RPS6KC1: variants seen among roughly 807,000 people sequenced by gnomAD.
RPS6KC1 encodes the protein ribosomal protein S6 kinase C1, also known as inactive ribosomal protein S6 kinase delta-1.
A neutral mutation model predicts 103.8 loss-of-function variants in RPS6KC1; 54 were observed. The ratio of observed to expected loss-of-function variants is 0.52; its 90% CI spans 0.42 to 0.65. The LOEUF is 0.65. Ranked by LOEUF, RPS6KC1 falls within the 30% of genes least tolerant of loss-of-function variation. The pLI is 0.00. For synonymous variants in RPS6KC1, 439 were observed against 438.7 expected (o/e 1.00, Z -0.01); for missense variants, 1,151 against 1,253.8 (o/e 0.92, Z 1.24).
At chr1:213,375,099 A>G in the RPS6KC1 span, among the ~76,000 whole-genome samples, 3 of 151,850 alleles carry the variant, frequency 2.0e-5, no homozygotes, top group African/African-American at 7.3e-5. Flanking sequence ...CTACGCATAT[A>G]TAAACACATA....
chr1:213,286,652 G>A, the RPS6KC1 span, among the ~76,000 whole-genome samples: 128 of 152,320 alleles, frequency 8.4e-4, no homozygotes, highest in Middle Eastern at 3.4e-3. Flanking sequence ...ATGAGAGGTA[G>A]AGTGTCTTTA....
the RPS6KC1 span, among the ~76,000 whole-genome samples, chr1:213,817,006 G>T: frequency 6.6e-6 from 1 of 152,202 alleles, no homozygotes; most frequent in Non-Finnish European, 1.5e-5. Context: ...CCTTATAGGG[G>T]AGTAAATAGA....
the RPS6KC1 span, among the ~76,000 whole-genome samples, chr1:213,588,501 A>G: frequency 1.3e-5 from 2 of 151,870 alleles, no homozygotes; most frequent in Admixed American, 6.6e-5. Flanking sequence ...GGGTTTCACT[A>G]TGTTAGCCAG....
At chr1:213,101,136 G>A (rs2081985596) in intron 3 of RPS6KC1, among the ~76,000 whole-genome samples, 1 of 152,112 alleles carries the variant, frequency 6.6e-6, no homozygotes, top group African/African-American at 2.4e-5. Flanking sequence ...CTGGCATGAG[G>A]TGGTGTCTCA....
At chr1:213,374,440 G>C in the RPS6KC1 span, among the ~76,000 whole-genome samples, 4 of 151,892 alleles carry the variant, frequency 2.6e-5, no homozygotes, top group Non-Finnish European at 5.9e-5. Context: ...AAACCCCAGG[G>C]GTTGTACCCT....
chr1:213,299,734 A>G, the RPS6KC1 span, among the ~76,000 whole-genome samples: 1 of 152,188 alleles, frequency 6.6e-6, no homozygotes, highest in African/African-American at 2.4e-5. Flanking sequence ...TTCTTTTCTC[A>G]TACTGTCTTC....
chr1:213,728,922 C>T, the RPS6KC1 span, among the ~76,000 whole-genome samples: 1 of 133,324 alleles, frequency 7.5e-6, no homozygotes, highest in East Asian at 2.1e-4. Flanking sequence ...TTTCCTTATT[C>T]CCCAGAACAT....
At chr1:213,320,227 T>C in the RPS6KC1 span, among the ~76,000 whole-genome samples, 1 of 152,260 alleles carries the variant, frequency 6.6e-6, no homozygotes, top group Non-Finnish European at 1.5e-5. Context: ...CCTAAGGGAA[T>C]GCACTTGCAA....
the RPS6KC1 span, among the ~76,000 whole-genome samples, chr1:213,329,573 G>A: frequency 1.7e-5 from 2 of 118,674 alleles, no homozygotes; most frequent in South Asian, 2.4e-4. Flanking sequence ...TTATTCAGTT[G>A]ATTTTTTTTT....
the RPS6KC1 span, among the ~76,000 whole-genome samples, chr1:213,691,742 G>A: frequency 2.6e-5 from 4 of 152,132 alleles, no homozygotes; most frequent in Non-Finnish European, 5.9e-5. Context: ...ATGTTAATCT[G>A]GGAGGTGGCT....
the RPS6KC1 span, among the ~76,000 whole-genome samples, chr1:213,322,912 T>G: frequency 2.4e-3 from 1 of 410 alleles, no homozygotes; most frequent in African/African-American, 5.0e-3. Context: ...CATGCCCAGC[T>G]TTTTTTTTTT....
chr1:213,051,747 A>G (rs929185997), intron 1 of RPS6KC1, among the ~76,000 whole-genome samples: 1 of 152,124 alleles, frequency 6.6e-6, no homozygotes, highest in East Asian at 1.9e-4. Context: ...GGGGTGGGGC[A>G]GTCAGTGGTT....
At chr1:213,167,491 A>ACACAC (rs1558462702) in intron 6 of RPS6KC1, among the ~76,000 whole-genome samples, 6 of 70,610 alleles carry the variant, frequency 8.5e-5, no homozygotes, top group Non-Finnish European at 1.8e-4. Context: ...CACACACACA[A>ACACAC]CAGCTGTTGC....
chr1:213,451,778 G>C, the RPS6KC1 span, among the ~76,000 whole-genome samples: 2 of 152,196 alleles, frequency 1.3e-5, no homozygotes, highest in Non-Finnish European at 2.9e-5. Context: ...GTAAACCTGA[G>C]CTGGGGCAAG....
rs183319118 is a variant in RPS6KC1, at chr1:213,236,998, G to A, written c.1226-3704G>A. 4.4e-3 allele frequency among the ~76,000 whole-genome samples: 662 copies of A among 151,964 alleles called. 4 individuals are homozygous for A. The highest frequency in any genetic ancestry group is 0.015 in the African/African-American group (637 of 41,462). ...GCCCAGACCTATTCCCCAGAAATAG[G>A]TACTCTTTTAACAGTAATTATATAT... On this transcript the variant is annotated intron_variant, in intron 10 of 14. Coordinates refer to ENST00000366960, the MANE Select transcript of RPS6KC1 (RefSeq NM_012424.6).
chr1:213,335,964 A>T, the RPS6KC1 span, among the ~76,000 whole-genome samples: 1 of 152,178 alleles, frequency 6.6e-6, no homozygotes, highest in Non-Finnish European at 1.5e-5. Flanking sequence ...TTCAAAGGAA[A>T]TTTTTTAGGA....
the RPS6KC1 span, among the ~76,000 whole-genome samples, chr1:213,781,706 T>C: frequency 6.6e-6 from 1 of 152,040 alleles, no homozygotes; most frequent in East Asian, 1.9e-4. Context: ...TTCCTGTAAG[T>C]CACACTCCCT....
chr1:213,769,386 C>T, the RPS6KC1 span, among the ~76,000 whole-genome samples: 3 of 152,054 alleles, frequency 2.0e-5, no homozygotes, highest in Admixed American at 2.0e-4. Context: ...TTTTAAGATG[C>T]CTTCAAGGTA....
At chr1:213,850,796 CT>C in the RPS6KC1 span, among the ~76,000 whole-genome samples, 129 of 142,022 alleles carry the variant, frequency 9.1e-4, no homozygotes, top group Middle Eastern at 7.4e-3. Flanking sequence ...GCTTACTTGG[CT>C]TTTTTTTTTT....
Sources: allele counts gnomAD v4.1 joint callset (sites outside exome capture counted in the v4.1 genomes callset), GRCh38; gene constraint gnomAD v4.1.1; transcripts MANE v1.5; gene names NCBI Gene and HGNC (gene_info 2026-07-23, HGNC 2026-07-21).